FGF12: variants seen among roughly 807,000 people sequenced by gnomAD.
FGF12 encodes the protein fibroblast growth factor 12.
A neutral mutation model predicts 23.6 loss-of-function variants in FGF12; 14 were observed. The observed-to-expected ratio is 0.59, with a 90% CI of 0.39 to 0.93. FGF12 has a LOEUF of 0.93. FGF12 is among the 40% of genes least tolerant of loss of function. The pLI is 0.00. For missense variants in FGF12, 175 were observed against 217.8 expected (o/e 0.80, Z 1.24); for synonymous variants, 62 against 77.3 (o/e 0.80, Z 1.04).
intron 4 of FGF12, among the ~76,000 whole-genome samples, chr3:192,325,644 C>T (rs1214879028): frequency 6.6e-6 from 1 of 152,134 alleles, no homozygotes; most frequent in Non-Finnish European, 1.5e-5. Context: ...CTTTGTACCT[C>T]TACTCCAGAT....
At chr3:192,696,797 A>G (rs551026069) in intron 2 of FGF12, among the ~76,000 whole-genome samples, 1 of 152,112 alleles carries the variant, frequency 6.6e-6, no homozygotes, top group African/African-American at 2.4e-5. Context: ...ATTTCTAACA[A>G]GATTCGGGTG....
intron 2 of FGF12, among the ~76,000 whole-genome samples, chr3:192,574,546 G>C (rs148164100): frequency 2.0e-4 from 30 of 152,294 alleles, no homozygotes; most frequent in African/African-American, 6.7e-4. Context: ...GCCACCTCCT[G>C]TCAATGAAAC....
chr3:192,223,518 G>A (rs969100601), intron 4 of FGF12, among the ~76,000 whole-genome samples: 1 of 152,128 alleles, frequency 6.6e-6, no homozygotes, highest in Admixed American at 6.5e-5. Flanking sequence ...TGGAAATAAT[G>A]TTATGCCTTT....
chr3:192,660,218 G>A (rs1334219360), intron 2 of FGF12, among the ~76,000 whole-genome samples: 1 of 151,728 alleles, frequency 6.6e-6, no homozygotes, highest in Non-Finnish European at 1.5e-5. Context: ...TAGGGACATG[G>A]ATGAAGCTGG....
chr3:192,387,299 T>C (rs554096646), intron 2 of FGF12, among the ~76,000 whole-genome samples: 37 of 152,272 alleles, frequency 2.4e-4, no homozygotes, highest in African/African-American at 8.9e-4. Flanking sequence ...AGAATAGATG[T>C]GACAAGGGGC....
Position 192,170,489 on chromosome 3 carries a change from G to A in FGF12, c.396C>T (p.Pro132=), listed in dbSNP as rs756713110. 1.2e-6 allele frequency: 2 copies of A among 1,613,936 alleles called. No individual in the cohort carries two copies. Among genetic ancestry groups the A allele is most frequent in the South Asian group, 2.2e-5 (2 of 91,058 alleles). The change falls in exon 5 of 6, where the codon CCC becomes CCT. Residue 132 remains proline, a synonymous_variant. Coordinates refer to ENST00000445105, the MANE Select transcript of FGF12 (RefSeq NM_004113.6). ...TAGGTTTCGGTACAAAATGTGATGA[G>A]GGCTTGGTTTTCTTCACTCTGTTCC... is the stretch of plus-strand genomic sequence containing the variant. ...MKGNRVKKTK[P]SSHFVPKPIE...
chr3:192,170,044 G>GTAAC (rs1342428430), intron 5 of FGF12, among the ~76,000 whole-genome samples: 1 of 145,704 alleles, frequency 6.9e-6, no homozygotes, highest in East Asian at 2.0e-4. Context: ...ATACTAGATA[G>GTAAC]TAACTACCAC....
chr3:192,529,676 G>A (rs985626108), intron 2 of FGF12, among the ~76,000 whole-genome samples: 3 of 152,156 alleles, frequency 2.0e-5, no homozygotes, highest in Admixed American at 2.0e-4. Context: ...GTTCCACCTG[G>A]CTCGGGGGGC....
At chr3:192,161,081 G>T (rs1239103545) in intron 5 of FGF12, among the ~76,000 whole-genome samples, 2 of 151,996 alleles carry the variant, frequency 1.3e-5, no homozygotes, top group African/African-American at 4.8e-5. Context: ...ACCTTTCCTT[G>T]TATATATGGT....
chr3:192,538,196 C>T (rs1235319595), intron 2 of FGF12, among the ~76,000 whole-genome samples: 2 of 152,130 alleles, frequency 1.3e-5, no homozygotes, highest in Admixed American at 6.5e-5. Context: ...GATCCGCCCG[C>T]CTCGGCCTCC....
intron 4 of FGF12, among the ~76,000 whole-genome samples, chr3:192,201,571 G>A (rs1717367517): frequency 6.6e-6 from 1 of 152,124 alleles, no homozygotes; most frequent in South Asian, 2.1e-4. Context: ...CACACATCTT[G>A]TAACCCGCAG....
intron 4 of FGF12, among the ~76,000 whole-genome samples, chr3:192,270,110 C>T (rs1522264): frequency 0.47 from 72,104 of 152,018 alleles, 18,354 homozygotes; most frequent in East Asian, 0.94. Context: ...CAGGACCTAG[C>T]GGTTTTTCAG....
chr3:192,684,734 A>C (rs1465640433), intron 2 of FGF12, among the ~76,000 whole-genome samples: 1 of 152,220 alleles, frequency 6.6e-6, no homozygotes, highest in African/African-American at 2.4e-5. Context: ...CTCTCTTTTT[A>C]GTTGTCATGA....
At chr3:192,688,036 G>A (rs1163024673) in intron 2 of FGF12, among the ~76,000 whole-genome samples, 2 of 151,818 alleles carry the variant, frequency 1.3e-5, no homozygotes, top group African/African-American at 4.8e-5. Context: ...GACCTTTGCT[G>A]CCACACACAT....
intron 4 of FGF12, among the ~76,000 whole-genome samples, chr3:192,179,638 C>T (rs1025524751): frequency 6.6e-5 from 10 of 151,840 alleles, no homozygotes; most frequent in African/African-American, 9.7e-5. Flanking sequence ...CTCCGCCTCC[C>T]GGGTTCAAGT....
chr3:192,691,149 A>G (rs910627921), intron 2 of FGF12, among the ~76,000 whole-genome samples: 2 of 152,056 alleles, frequency 1.3e-5, no homozygotes, highest in Non-Finnish European at 2.9e-5. Context: ...ATCAATCATA[A>G]ACTATTAGAC....
At chr3:192,588,376 GA>G (rs1161367555) in intron 2 of FGF12, among the ~76,000 whole-genome samples, 42 of 127,050 alleles carry the variant, frequency 3.3e-4, no homozygotes, top group African/African-American at 9.9e-4. Flanking sequence ...AAGAAAAAAA[GA>G]AAAAAAAAAT....
intron 2 of FGF12, among the ~76,000 whole-genome samples, chr3:192,638,647 G>A (rs1715673882): frequency 6.6e-6 from 1 of 152,254 alleles, no homozygotes; most frequent in Non-Finnish European, 1.5e-5. Flanking sequence ...TTTTATCCAC[G>A]GATTTGAAAG....
chr3:192,425,685 T>C lies in FGF12; in HGVS notation c.14-65147A>G, dbSNP rs576904398. On this transcript the variant is annotated intron_variant, in intron 2 of 5. Transcript: ENST00000445105. ...GAAATCATAATAAATCACTAGCGAA[T>C]AGAATGCATTGCTGTGGAATTTGTG... Among the ~76,000 whole-genome samples the C allele has an allele frequency of 1.9e-4, 29 of 152,304 alleles. 1 individual carries two copies. Among genetic ancestry groups the C allele is most frequent in the African/African-American group, 6.5e-4 (27 of 41,568 alleles).
Sources: gnomAD v4.1 joint callset for allele counts (sites outside exome capture counted in the v4.1 genomes callset) on GRCh38, gnomAD v4.1.1 for gene constraint, MANE v1.5 for transcripts, NCBI Gene and HGNC (gene_info 2026-07-23, HGNC 2026-07-21) for gene names.